POU2F1: variants seen among roughly 807,000 people sequenced by gnomAD.
The protein encoded by POU2F1 is POU class 2 homeobox 1.
Under a neutral mutation model 84.9 loss-of-function variants are expected in POU2F1, and 16 were observed. That is an observed-to-expected ratio of 0.19 (90% CI 0.13 to 0.29). The LOEUF is 0.29. POU2F1 is among the 10% of genes least tolerant of loss of function. POU2F1 has a pLI of 1.00. For missense variants in POU2F1, 738 were observed against 942.6 expected (o/e 0.78, Z 2.84); for synonymous variants, 368 against 368.3 (o/e 1.00, Z 0.01).
chr1:167,229,174 T>TG (rs1553195078), intron 1 of POU2F1, among the ~76,000 whole-genome samples: 1 of 151,206 alleles, frequency 6.6e-6, no homozygotes, highest in Non-Finnish European at 1.5e-5. Flanking sequence ...TTTTTTTTTT[T>TG]AATTTTTTTT....
At position 167,299,646 on chromosome 1, in the gene POU2F1, C is replaced by G. The variant is rs561632071; in HGVS notation, c.62-32824C>G. On this transcript the variant is annotated intron_variant, in intron 1 of 15. Coordinates refer to ENST00000367866, the MANE Select transcript of POU2F1 (RefSeq NM_002697.4). ...TGAACTACTGTTTATCTCTGCATAT[C>G]TTTTAGACGGTGAGATATTAGCCAA... Among the ~76,000 whole-genome samples, 7 of 150,308 alleles carry G rather than the reference C, an allele frequency of 4.7e-5. No homozygotes were observed. In the East Asian group the frequency reaches 1.4e-3, roughly 29 times the overall value.
chr1:167,354,326 C>T (rs564482877), intron 2 of POU2F1, among the ~76,000 whole-genome samples: 3 of 152,214 alleles, frequency 2.0e-5, no homozygotes, highest in Non-Finnish European at 2.9e-5. Flanking sequence ...GAGTCTCACT[C>T]TGTCACCCAG....
Position 167,316,615 on chromosome 1 carries a change from G to A in POU2F1, c.62-15855G>A, listed in dbSNP as rs567678283. On this transcript the variant is annotated intron_variant, in intron 1 of 15. Coordinates refer to ENST00000367866, the MANE Select transcript of POU2F1 (RefSeq NM_002697.4). Reference sequence around the variant, plus strand: ...GTCTGAAGAATAATTAACTTAATGAGGAGGAATGTATCTTTAGATTTTATA... The same window carrying A: ...GTCTGAAGAATAATTAACTTAATGAAGAGGAATGTATCTTTAGATTTTATA... Among the ~76,000 whole-genome samples the A allele has an allele frequency of 3.9e-5, 6 of 152,268 alleles. No homozygotes were observed. In the East Asian group the frequency reaches 9.6e-4, roughly 24 times the overall value.
chr1:167,273,466 T>TTTCC (rs1411573535), intron 1 of POU2F1, among the ~76,000 whole-genome samples: 1 of 151,996 alleles, frequency 6.6e-6, no homozygotes, highest in Non-Finnish European at 1.5e-5. Flanking sequence ...CTGCCTGGAG[T>TTTCC]TTCCATACAT....
At chr1:167,293,308 A>G (rs762535773) in intron 1 of POU2F1, among the ~76,000 whole-genome samples, 2 of 152,220 alleles carry the variant, frequency 1.3e-5, no homozygotes. Context: ...AGTGTTTACA[A>G]ATCAGTAGCA....
chr1:167,372,067 C>T, intron 5 of POU2F1, 31 bp downstream of exon 5: 1 of 1,594,952 alleles, frequency 6.3e-7, no homozygotes, highest in South Asian at 1.1e-5. Context: ...TTATAACAAA[C>T]TTTTTCTGTG....
intron 2 of POU2F1, among the ~76,000 whole-genome samples, chr1:167,364,774 G>C (rs796108813): frequency 3.3e-5 from 5 of 151,526 alleles, no homozygotes; most frequent in African/African-American, 1.2e-4. Context: ...TCACCATGCT[G>C]CCCAAGCTGA....
At chr1:167,279,288 C>A (rs1004010936) in intron 1 of POU2F1, among the ~76,000 whole-genome samples, 2 of 152,206 alleles carry the variant, frequency 1.3e-5, no homozygotes, top group Non-Finnish European at 2.9e-5. Flanking sequence ...CAACTGACCT[C>A]TGCCCTGTGA....
intron 2 of POU2F1, among the ~76,000 whole-genome samples, chr1:167,358,715 G>GATTTTTTTTTTTTT (rs1557923742): frequency 4.8e-5 from 2 of 41,584 alleles, no homozygotes; most frequent in African/African-American, 1.6e-4. Flanking sequence ...ATTATCTGCA[G>GATTTTTTTTTTTTT]CTTTTTTTTT....
In POU2F1 at chr1:167,294,817, T is replaced by C. The variant is rs34122408; in HGVS notation, c.62-37653T>C. Reference sequence around the variant, plus strand: ...AAATTAGTACAAGCTCTATGAAAAGTAGTGTGGAGATTCCTTAAAGAAGTA... The same window carrying C: ...AAATTAGTACAAGCTCTATGAAAAGCAGTGTGGAGATTCCTTAAAGAAGTA... On this transcript the variant is annotated intron_variant, in intron 1 of 15. Coordinates refer to ENST00000367866, the MANE Select transcript of POU2F1 (RefSeq NM_002697.4). Among the ~76,000 whole-genome samples, 12 of 152,084 alleles carry C rather than the reference T, an allele frequency of 7.9e-5. No homozygotes were observed. In the South Asian group the frequency reaches 2.1e-3, roughly 26 times the overall value.
At chr1:167,304,472 A>G (rs564996102) in intron 1 of POU2F1, among the ~76,000 whole-genome samples, 1 of 152,208 alleles carries the variant, frequency 6.6e-6, no homozygotes, top group Admixed American at 6.5e-5. Flanking sequence ...TAGCCTGCTT[A>G]TTTTTTTAAA....
chr1:167,426,785 AATT>A lies in POU2F1; in HGVS notation c.*10976_*10978del. ...ATGTGGTGTAAATGATTCTTTCCAAAATTGTCCAGCAGCTTGAATGAGGCAGTG... is the reference window on the plus strand; with the variant it reads ...ATGTGGTGTAAATGATTCTTTCCAAAGTCCAGCAGCTTGAATGAGGCAGTG... On this transcript the variant is annotated 3_prime_UTR_variant, in exon 16 of 16. Transcript: ENST00000367866. 1 of 152,276 alleles carries A rather than the reference AATT, an allele frequency of 6.6e-6. No individual in the cohort carries two copies. The highest frequency in any genetic ancestry group is 1.9e-4 in the East Asian group (1 of 5,184). 9.4% of individuals were successfully genotyped at this position (152,276 alleles called of 1,614,324 possible).
chr1:167,243,025 T>A (rs998393509), intron 1 of POU2F1, among the ~76,000 whole-genome samples: 2 of 152,168 alleles, frequency 1.3e-5, no homozygotes, highest in South Asian at 2.1e-4. Flanking sequence ...TCAGTTGAAT[T>A]TTCAGCAAGT....
At chr1:167,222,732 A>G (rs1403306771) in intron 1 of POU2F1, among the ~76,000 whole-genome samples, 1 of 151,892 alleles carries the variant, frequency 6.6e-6, no homozygotes, top group African/African-American at 2.4e-5. Flanking sequence ...CTAAGTATCA[A>G]CTCTGTGATG....
intron 1 of POU2F1, among the ~76,000 whole-genome samples, chr1:167,299,941 A>G (rs1022861406): frequency 4.6e-5 from 7 of 152,194 alleles, no homozygotes; most frequent in Non-Finnish European, 1.0e-4. Flanking sequence ...AGGTGATGCT[A>G]TGATACTGAT....
chr1:167,281,448 G>T (rs538236943), intron 1 of POU2F1, among the ~76,000 whole-genome samples: 2 of 152,232 alleles, frequency 1.3e-5, no homozygotes, highest in Non-Finnish European at 2.9e-5. Flanking sequence ...GCAACTGACG[G>T]TTTGCCAATC....
chr1:167,411,816 A>G, intron 13 of POU2F1, 143 bp from the exon 14 acceptor site: 1 of 729,982 alleles, frequency 1.4e-6, no homozygotes, highest in Non-Finnish European at 2.2e-6. Context: ...TTTCCATAAA[A>G]GCACTAAACT....
intron 1 of POU2F1, among the ~76,000 whole-genome samples, chr1:167,325,084 T>G (rs1023635866): frequency 3.1e-4 from 47 of 152,190 alleles, no homozygotes; most frequent in African/African-American, 1.0e-3. Flanking sequence ...TGTGATGGGT[T>G]TGTTGGACTT....
intron 1 of POU2F1, among the ~76,000 whole-genome samples, chr1:167,290,229 A>G (rs1238886711): frequency 1.3e-5 from 2 of 152,088 alleles, no homozygotes; most frequent in East Asian, 1.9e-4. Context: ...TGTCTCTACA[A>G]AAAATACAAA....
Sources: allele counts gnomAD v4.1 joint callset (sites outside exome capture counted in the v4.1 genomes callset), GRCh38; gene constraint gnomAD v4.1.1; transcripts MANE v1.5; gene names NCBI Gene and HGNC (gene_info 2026-07-23, HGNC 2026-07-21).